CSMD1: variants seen among roughly 807,000 people sequenced by gnomAD.
CSMD1 encodes CUB and Sushi multiple domains 1, also known as CUB and sushi domain-containing protein 1.
In CSMD1, 213 loss-of-function variants were observed where a neutral mutation model predicts 417.5. That is an observed-to-expected ratio of 0.51 (90% confidence interval 0.46 to 0.57). The LOEUF (loss-of-function observed/expected upper bound fraction) is 0.57. CSMD1 is among the 20% of genes least tolerant of loss of function. The pLI, the probability that CSMD1 is intolerant of heterozygous loss-of-function variation, is 0.00. For synonymous variants in CSMD1, 2,862 were observed against 1,736.8 expected (o/e 1.65, Z -16.11); for missense variants, 6,923 against 4,529.7 (o/e 1.53, Z -15.17).
chr8:3,939,095 A>G (rs1371196657), intron 5 of CSMD1, among the ~76,000 whole-genome samples: 1 of 152,166 alleles, frequency 6.6e-6, no homozygotes, highest in Admixed American at 6.6e-5. Context: ...TAAGATGCAT[A>G]AATTGTTGAG....
chr8:4,690,599 A>G (rs910076070), intron 1 of CSMD1, among the ~76,000 whole-genome samples: 1 of 152,246 alleles, frequency 6.6e-6, no homozygotes, highest in Non-Finnish European at 1.5e-5. Context: ...AGCAAAAAGC[A>G]TGCTTGTTCC....
intron 50 of CSMD1, among the ~76,000 whole-genome samples, chr8:3,035,669 CA>C (rs1810629040): frequency 6.6e-6 from 1 of 152,118 alleles, no homozygotes; most frequent in Admixed American, 6.5e-5. Flanking sequence ...GAAAATGTAG[CA>C]AAAGAAAGTG....
At chr8:3,832,778 C>G (rs553469949) in intron 5 of CSMD1, among the ~76,000 whole-genome samples, 3 of 152,222 alleles carry the variant, frequency 2.0e-5, no homozygotes, top group African/African-American at 7.2e-5. Context: ...AACTTTCCAT[C>G]TGATCCAGAT....
chr8:3,265,712 T>C (rs895349135), intron 26 of CSMD1, among the ~76,000 whole-genome samples: 5 of 152,186 alleles, frequency 3.3e-5, no homozygotes, highest in African/African-American at 1.2e-4. Context: ...GAGGTTTTTT[T>C]CTCAAAGCAG....
intron 7 of CSMD1, among the ~76,000 whole-genome samples, chr8:3,623,600 T>G (rs927400109): frequency 3.3e-5 from 5 of 152,178 alleles, no homozygotes; most frequent in Non-Finnish European, 5.9e-5. Flanking sequence ...TGTTTTTAAA[T>G]GTAATCCTTA....
intron 7 of CSMD1, among the ~76,000 whole-genome samples, chr8:3,688,266 CTTTT>C: frequency 6.6e-6 from 1 of 152,084 alleles, no homozygotes. Context: ...AATATTGTCT[CTTTT>C]CTTTTGAAAC....
chr8:4,173,607 G>C (rs6981653), intron 3 of CSMD1, among the ~76,000 whole-genome samples: 1 of 152,076 alleles, frequency 6.6e-6, no homozygotes, highest in Admixed American at 6.5e-5. Context: ...AAAGTTATTA[G>C]ATACATAGCT....
At chr8:3,290,674 T>G (rs1318685101) in intron 25 of CSMD1, among the ~76,000 whole-genome samples, 1 of 147,444 alleles carries the variant, frequency 6.8e-6, no homozygotes, top group Non-Finnish European at 1.5e-5. Context: ...CACATTGATT[T>G]TGTATCCTGA....
Position 3,106,755 on chromosome 8 carries a change from G to A in CSMD1, c.6836-114C>T. On this transcript the variant is annotated intron_variant, in intron 45 of 69. Coordinates refer to ENST00000635120, the MANE Select transcript of CSMD1 (RefSeq NM_033225.6). ...TTAAATCAACTTGCAAATCTTTTTA[G>A]AAACTATGTCTGTATTTATTTTTAG... The A allele has an allele frequency of 7.2e-6, 4 of 553,096 alleles. No individual in the cohort carries two copies. The Middle Eastern group carries it at 1.1e-3, about 152-fold the overall frequency. 34.3% of individuals were successfully genotyped at this position (553,096 alleles called of 1,614,324 possible). A position where few individuals can be genotyped will look rare whatever the true frequency, so the allele number is the denominator to read the frequency against.
chr8:3,969,530 C>A (rs933666261), intron 5 of CSMD1, among the ~76,000 whole-genome samples: 2 of 152,024 alleles, frequency 1.3e-5, no homozygotes, highest in African/African-American at 4.8e-5. Flanking sequence ...TTGGTGAAAT[C>A]TCTGTAAAAT....
At chr8:4,068,807 G>T (rs542748782) in intron 3 of CSMD1, among the ~76,000 whole-genome samples, 1 of 152,124 alleles carries the variant, frequency 6.6e-6, no homozygotes, top group South Asian at 2.1e-4. Context: ...CTACTGACAT[G>T]AATTCATGGT....
At chr8:3,862,661 G>A (rs959267384) in intron 5 of CSMD1, among the ~76,000 whole-genome samples, 6 of 152,062 alleles carry the variant, frequency 3.9e-5, no homozygotes, top group East Asian at 1.9e-4. Context: ...TATTTCTTTG[G>A]TTATTTGCAT....
chr8:4,791,876 G>T (rs1054780457), intron 1 of CSMD1, among the ~76,000 whole-genome samples: 1 of 151,722 alleles, frequency 6.6e-6, no homozygotes, highest in African/African-American at 2.4e-5. Flanking sequence ...TTTTTAGCTT[G>T]CATTCAGCAA....
At chr8:4,189,387 A>G (rs899718001) in intron 3 of CSMD1, among the ~76,000 whole-genome samples, 1 of 152,192 alleles carries the variant, frequency 6.6e-6, no homozygotes, top group Admixed American at 6.5e-5. Flanking sequence ...GAATATTCTA[A>G]CTCTACCTAA....
At chr8:4,640,983 A>G (rs978350659) in intron 1 of CSMD1, among the ~76,000 whole-genome samples, 1 of 151,628 alleles carries the variant, frequency 6.6e-6, no homozygotes, top group Non-Finnish European at 1.5e-5. Flanking sequence ...GTATATATAT[A>G]TGTATGTGTA....
chr8:4,329,136 G>C (rs1055248692), intron 3 of CSMD1, among the ~76,000 whole-genome samples: 2 of 152,104 alleles, frequency 1.3e-5, no homozygotes, highest in African/African-American at 4.8e-5. Flanking sequence ...CCAAACGTGT[G>C]TTATCTGTCT....
At chr8:4,046,673 T>G (rs1218953434) in intron 3 of CSMD1, among the ~76,000 whole-genome samples, 1 of 152,232 alleles carries the variant, frequency 6.6e-6, no homozygotes, top group East Asian at 1.9e-4. Flanking sequence ...CTGGGAATGT[T>G]TATTTCCATT....
intron 2 of CSMD1, among the ~76,000 whole-genome samples, chr8:4,434,434 C>T (rs1798038825): frequency 6.6e-6 from 1 of 152,140 alleles, no homozygotes; most frequent in Non-Finnish European, 1.5e-5. Flanking sequence ...TTGAACTCAG[C>T]CCTTGGCTTT....
intron 26 of CSMD1, among the ~76,000 whole-genome samples, chr8:3,240,046 T>A (rs893353611): frequency 2.6e-5 from 4 of 151,952 alleles, no homozygotes; most frequent in African/African-American, 9.7e-5. Flanking sequence ...TTGAGCATAG[T>A]TTGTGATTTT....
Sources: gnomAD v4.1 joint callset for allele counts (sites outside exome capture counted in the v4.1 genomes callset) on GRCh38, gnomAD v4.1.1 for gene constraint, MANE v1.5 for transcripts, NCBI Gene and HGNC (gene_info 2026-07-23, HGNC 2026-07-21) for gene names.